Variants in SPACA7 observed in about 807,000 individuals in gnomAD.
SPACA7 encodes sperm acrosome associated 7, also known as sperm acrosome-associated protein 7.
SPACA7 carries 19 observed loss-of-function variants against 26.3 expected under a neutral mutation model. The ratio of observed to expected loss-of-function variants is 0.72; its 90% CI spans 0.50 to 1.06. The LOEUF (loss-of-function observed/expected upper bound fraction) is 1.06, where lower values mean the gene tolerates loss of function less well. Among genes scored for constraint, SPACA7 ranks in the 50% least tolerant of loss-of-function variants. The pLI is 0.00. For missense variants in SPACA7, 211 were observed against 229.9 expected (o/e 0.92, Z 0.53); for synonymous variants, 84 against 84.5 (o/e 0.99, Z 0.04).
chr13:112,415,568 T>C (rs1886639598), intron 5 of SPACA7, among the ~76,000 whole-genome samples: 1 of 152,094 alleles, frequency 6.6e-6, no homozygotes, highest in Non-Finnish European at 1.5e-5. Context: ...CAAAGGCCCC[T>C]GTACTCTTTT....
At chr13:112,390,502 C>T (rs1884816279) in intron 1 of SPACA7, among the ~76,000 whole-genome samples, 1 of 152,164 alleles carries the variant, frequency 6.6e-6, no homozygotes, top group Admixed American at 6.5e-5. Flanking sequence ...TTAGTCAGTT[C>T]TTGCACTGCT....
intron 2 of SPACA7, among the ~76,000 whole-genome samples, chr13:112,395,693 G>T (rs7984807): frequency 6.6e-6 from 1 of 151,950 alleles, no homozygotes; most frequent in Non-Finnish European, 1.5e-5. Flanking sequence ...TGGTCTCAAA[G>T]TCCTAACCTC....
intron 1 of SPACA7, chr13:112,378,739 T>A (rs1387512575): frequency 4.2e-6 from 2 of 471,052 alleles, no homozygotes; most frequent in African/African-American, 4.0e-5. Context: ...CAGGTCAGTT[T>A]CTCCAGCTCC....
At chr13:112,416,804 T>TTGTGTGTCTGTG (rs1555329278) in intron 5 of SPACA7, among the ~76,000 whole-genome samples, 1 of 147,934 alleles carries the variant, frequency 6.8e-6, no homozygotes, top group Non-Finnish European at 1.5e-5. Flanking sequence ...TGATTATGAG[T>TTGTGTGTCTGTG]TGTGTGTGTG....
At chr13:112,384,742 C>T (rs890868835) in intron 1 of SPACA7, among the ~76,000 whole-genome samples, 7 of 152,310 alleles carry the variant, frequency 4.6e-5, no homozygotes, top group Middle Eastern at 3.4e-3. Context: ...CCAATAAAGA[C>T]AGCATGAGGC....
chr13:112,434,373 C>T, intron 6 of SPACA7, 112 bp from the exon 7 acceptor site: 1 of 886,126 alleles, frequency 1.1e-6, no homozygotes, highest in East Asian at 2.6e-5. Context: ...CCCCTCCCTC[C>T]ACAACTGAGG....
At chr13:112,416,804 T>TTTTGTGTG (rs1555329279) in intron 5 of SPACA7, among the ~76,000 whole-genome samples, 2 of 147,934 alleles carry the variant, frequency 1.4e-5, no homozygotes, top group Admixed American at 6.8e-5. Context: ...TGATTATGAG[T>TTTTGTGTG]TGTGTGTGTG....
chr13:112,391,357 AGTTGACCAT>A (rs1884875979), intron 1 of SPACA7, among the ~76,000 whole-genome samples: 1 of 152,172 alleles, frequency 6.6e-6, no homozygotes, highest in Admixed American at 6.5e-5. Context: ...TCAGAAATTG[AGTTGACCAT>A]GTTTTGTGGC....
chr13:112,413,019 ATT>A (rs1476501810), intron 5 of SPACA7, among the ~76,000 whole-genome samples: 1 of 152,084 alleles, frequency 6.6e-6, no homozygotes, highest in Non-Finnish European at 1.5e-5. Context: ...TGTTGCCTCA[ATT>A]TGTCTTTTTA....
intron 4 of SPACA7, 98 bp downstream of exon 4, chr13:112,399,271 A>G (rs908372810): frequency 1.7e-5 from 13 of 744,456 alleles, no homozygotes; most frequent in African/African-American, 1.7e-4. Flanking sequence ...TTCCTGGAGG[A>G]TAAACCCTTG....
intron 6 of SPACA7, 40 bp downstream of exon 6, chr13:112,432,561 G>T (rs1877265534): frequency 4.8e-6 from 7 of 1,469,434 alleles, no homozygotes; most frequent in Non-Finnish European, 6.7e-6. Context: ...CTCATTTGGG[G>T]ATTCTTTTCC....
chr13:112,395,178 C>T (rs1237954761), intron 2 of SPACA7, among the ~76,000 whole-genome samples: 4 of 152,170 alleles, frequency 2.6e-5, no homozygotes, highest in Admixed American at 6.5e-5. Context: ...GCCCAGGTCC[C>T]GTGCAGGCTG....
intron 5 of SPACA7, among the ~76,000 whole-genome samples, chr13:112,419,819 G>A (rs1476080463): frequency 6.6e-6 from 1 of 152,176 alleles, no homozygotes; most frequent in African/African-American, 2.4e-5. Flanking sequence ...AGGCCTAGCA[G>A]GGAGTAACCA....
intron 5 of SPACA7, among the ~76,000 whole-genome samples, chr13:112,401,449 C>G (rs1885633591): frequency 2.0e-5 from 3 of 152,050 alleles, no homozygotes; most frequent in Admixed American, 1.3e-4. Flanking sequence ...GTCTTTTAGC[C>G]TCATTTCTCA....
chr13:112,396,926 C>T (rs986385865), intron 2 of SPACA7, among the ~76,000 whole-genome samples: 1 of 152,168 alleles, frequency 6.6e-6, no homozygotes, highest in Non-Finnish European at 1.5e-5. Context: ...GGGTGCAGGC[C>T]TGGACACTGG....
At chr13:112,413,422 A>C (rs541478059) in intron 5 of SPACA7, among the ~76,000 whole-genome samples, 1 of 150,834 alleles carries the variant, frequency 6.6e-6, no homozygotes, top group Non-Finnish European at 1.5e-5. Context: ...CTCCTGGCCT[A>C]TAAAGTTTCC....
chr13:112,386,007 G>T (rs1566455813), intron 1 of SPACA7, among the ~76,000 whole-genome samples: 1 of 152,200 alleles, frequency 6.6e-6, no homozygotes, highest in African/African-American at 2.4e-5. Flanking sequence ...AGGCAGAGCT[G>T]GATGGCAAAG....
chr13:112,381,949 T>C (rs1158693335), intron 1 of SPACA7, among the ~76,000 whole-genome samples: 1 of 152,204 alleles, frequency 6.6e-6, no homozygotes, highest in African/African-American at 2.4e-5. Flanking sequence ...TCCAGCTGCA[T>C]AACTCTAAAC....
Position 112,411,194 on chromosome 13 carries a change from T to C in SPACA7, c.445+10030T>C, listed in dbSNP as rs116226548. On this transcript the variant is annotated intron_variant, in intron 5 of 6. Transcript: ENST00000283550. ...TTATAAAAAAAAAAATTGGGGTATT[T>C]AAGAAAGTTTATATTTTTGTTCTAC... Among the ~76,000 whole-genome samples the C allele has an allele frequency of 9.4e-3, 1,436 of 152,218 alleles. 18 individuals are homozygous for C. Among genetic ancestry groups the C allele is most frequent in the African/African-American group, 0.032 (1,339 of 41,538 alleles).
Sources: allele counts gnomAD v4.1 joint callset (sites outside exome capture counted in the v4.1 genomes callset), GRCh38; gene constraint gnomAD v4.1.1; transcripts MANE v1.5; gene names NCBI Gene and HGNC (gene_info 2026-07-23, HGNC 2026-07-21).